Variants in FGF14 observed in about 807,000 individuals in gnomAD.
FGF14 encodes fibroblast growth factor homologous factor 4.
Under a neutral mutation model 25.5 loss-of-function variants are expected in FGF14, and 5 were observed. The observed-to-expected ratio is 0.20, with a 90% CI of 0.10 to 0.41. FGF14 has a LOEUF of 0.41. FGF14 is among the 10% of genes least tolerant of loss of function. FGF14 has a pLI of 1.00. For missense variants in FGF14, 222 were observed against 320.1 expected, an observed-to-expected ratio of 0.69 and a Z score of 2.34; for synonymous variants, 138 against 118.3, an observed-to-expected ratio of 1.17 and a Z score of -1.08.
chr13:101,785,414 A>G (rs1159795751), intron 3 of FGF14, among the ~76,000 whole-genome samples: 4 of 150,700 alleles, frequency 2.7e-5, no homozygotes, highest in Non-Finnish European at 5.9e-5. Flanking sequence ...ATTATTTTCT[A>G]TATTAATAAA....
chr13:102,036,178 G>A (rs2041463602), intron 1 of FGF14, among the ~76,000 whole-genome samples: 1 of 151,968 alleles, frequency 6.6e-6, no homozygotes, highest in Non-Finnish European at 1.5e-5. Context: ...AAAACCACTG[G>A]GCTAAAGCAC....
At chr13:102,371,972 G>A (rs917918074) in intron 1 of FGF14, among the ~76,000 whole-genome samples, 1 of 152,144 alleles carries the variant, frequency 6.6e-6, no homozygotes, top group Non-Finnish European at 1.5e-5. Context: ...GTTGGAAGAT[G>A]CTTAGGTTCA....
At chr13:101,925,123 A>G (rs1421975992) in intron 1 of FGF14, among the ~76,000 whole-genome samples, 2 of 152,272 alleles carry the variant, frequency 1.3e-5, no homozygotes, top group Non-Finnish European at 1.5e-5. Context: ...ATCCAATTCT[A>G]CATTTTCTGA....
intron 1 of FGF14, among the ~76,000 whole-genome samples, chr13:101,907,067 G>A (rs1056649583): frequency 3.9e-5 from 6 of 152,000 alleles, no homozygotes; most frequent in African/African-American, 1.4e-4. Flanking sequence ...AGTAATTAAG[G>A]AGTCTGAAAA....
intron 1 of FGF14, among the ~76,000 whole-genome samples, chr13:102,262,698 A>G (rs1411791229): frequency 2.0e-5 from 3 of 152,140 alleles, no homozygotes; most frequent in Admixed American, 6.5e-5. Flanking sequence ...TGGATTCTCA[A>G]TGGTTGAATA....
intron 3 of FGF14, among the ~76,000 whole-genome samples, chr13:101,867,934 A>ACACACACG (rs1423363736): frequency 7.5e-6 from 1 of 133,810 alleles, no homozygotes; most frequent in Non-Finnish European, 1.6e-5. Context: ...ACACACACAC[A>ACACACACG]CGCGCACACA....
intron 3 of FGF14, among the ~76,000 whole-genome samples, chr13:101,788,907 TATAGAGAGAGAGAG>T (rs1252579005): frequency 1.7e-3 from 55 of 32,362 alleles, no homozygotes; most frequent in South Asian, 6.0e-3. Flanking sequence ...TATATATATA[TATAGAGAGAGAGAG>T]AGAGAGAGAG....
Position 101,905,976 on chromosome 13 carries a change from T to C in FGF14, c.193+10477A>G, listed in dbSNP as rs372633058. On this transcript the variant is annotated intron_variant, in intron 1 of 4. Coordinates refer to ENST00000376143, the MANE Select transcript of FGF14 (RefSeq NM_004115.4). ...CAACACCCTGTTGTTGGGAGAAGTATGAGATGTGGTATGCAACACTTCTCA... is the reference window on the plus strand; with the variant it reads ...CAACACCCTGTTGTTGGGAGAAGTACGAGATGTGGTATGCAACACTTCTCA... Among the ~76,000 whole-genome samples the C allele has an allele frequency of 7.2e-5, 11 of 152,274 alleles. No homozygotes were observed. The East Asian group carries it at 2.1e-3, about 29-fold the overall frequency.
At chr13:101,964,704 T>A (rs2037075538) in intron 1 of FGF14, among the ~76,000 whole-genome samples, 1 of 152,208 alleles carries the variant, frequency 6.6e-6, no homozygotes, top group African/African-American at 2.4e-5. Flanking sequence ...GCTATAGTTC[T>A]CCTTCTTTTC....
At chr13:102,356,041 T>G (rs2057409915) in intron 1 of FGF14, among the ~76,000 whole-genome samples, 1 of 152,196 alleles carries the variant, frequency 6.6e-6, no homozygotes, top group Admixed American at 6.5e-5. Context: ...AGTCACTTGC[T>G]CAGGATTATT....
At chr13:101,976,776 T>A (rs1330983587) in intron 1 of FGF14, among the ~76,000 whole-genome samples, 1 of 152,192 alleles carries the variant, frequency 6.6e-6, no homozygotes, top group Non-Finnish European at 1.5e-5. Context: ...AAGTTAGGAC[T>A]TCATTGAAAG....
At chr13:101,925,953 T>C (rs1337115265) in intron 1 of FGF14, among the ~76,000 whole-genome samples, 1 of 152,148 alleles carries the variant, frequency 6.6e-6, no homozygotes, top group African/African-American at 2.4e-5. Flanking sequence ...ACAGACCATG[T>C]CTTGCATCTT....
intron 1 of FGF14, among the ~76,000 whole-genome samples, chr13:102,266,577 A>C (rs933604560): frequency 6.6e-6 from 1 of 152,124 alleles, no homozygotes; most frequent in Admixed American, 6.6e-5. Flanking sequence ...AATAAACAGA[A>C]GCAAATTTAT....
At position 101,722,415 on chromosome 13, in the gene FGF14, A is replaced by AAATT. The variant is rs946757025; in HGVS notation, c.*412_*415dup. The AAATT allele has an allele frequency of 4.1e-5, 12 of 294,708 alleles. No individual in the cohort carries two copies. The highest frequency in any genetic ancestry group is 2.6e-4 in the African/African-American group (12 of 45,724). 18.3% of individuals were successfully genotyped at this position (294,708 alleles called of 1,614,324 possible). ...GCACAGGTTTACAGCGTCTAACTAGAAATTACTCAATATTATTTGTGTGCT... is the reference window on the plus strand; with the variant it reads ...GCACAGGTTTACAGCGTCTAACTAGAAATTAATTACTCAATATTATTTGTGTGCT... On this transcript the variant is annotated 3_prime_UTR_variant, in exon 5 of 5. Coordinates refer to ENST00000376143, the MANE Select transcript of FGF14 (RefSeq NM_004115.4).
intron 1 of FGF14, among the ~76,000 whole-genome samples, chr13:102,100,450 C>T (rs939524676): frequency 1.3e-5 from 2 of 152,110 alleles, no homozygotes; most frequent in African/African-American, 2.4e-5. Context: ...CCTGGCTTTG[C>T]AGAACAGAAG....
At chr13:102,070,480 C>T (rs182344472) in intron 1 of FGF14, among the ~76,000 whole-genome samples, 1 of 152,164 alleles carries the variant, frequency 6.6e-6, no homozygotes, top group East Asian at 1.9e-4. Context: ...GGAGGTTCCT[C>T]AAAAAACTAA....
At chr13:102,189,889 C>T (rs1275549145) in intron 1 of FGF14, among the ~76,000 whole-genome samples, 2 of 152,080 alleles carry the variant, frequency 1.3e-5, no homozygotes, top group East Asian at 3.9e-4. Flanking sequence ...TTTTAAACAA[C>T]CAGCTCTTGA....
intron 1 of FGF14, among the ~76,000 whole-genome samples, chr13:102,067,822 A>AGC (rs2140134592): frequency 6.6e-6 from 1 of 152,234 alleles, no homozygotes; most frequent in African/African-American, 2.4e-5. Flanking sequence ...TAGAATACCA[A>AGC]ACAGATTTAA....
At chr13:102,161,655 GAAGAAGAAGAAGAAGAAGAAGAA>G (rs1566765324) in intron 1 of FGF14, among the ~76,000 whole-genome samples, 24 of 19,324 alleles carry the variant, frequency 1.2e-3, no homozygotes, top group African/African-American at 4.9e-3. Flanking sequence ...AGAAGAAGAA[GAAGAAGAAGAAGAAGAAGAAGAA>G]GAAGAAGAAG....
Sources: allele counts gnomAD v4.1 joint callset (sites outside exome capture counted in the v4.1 genomes callset), GRCh38; gene constraint gnomAD v4.1.1; transcripts MANE v1.5; gene names NCBI Gene and HGNC (gene_info 2026-07-23, HGNC 2026-07-21).